The following SPIN4 variants were observed in gnomAD, a reference collection of about 807,000 sequenced individuals.
The protein encoded by SPIN4 is spindlin family member 4, also known as spindlin-4.
A neutral mutation model predicts 10.4 loss-of-function variants in SPIN4; 4 were observed. That is an observed-to-expected ratio of 0.38 (90% CI 0.19 to 0.88). The LOEUF (loss-of-function observed/expected upper bound fraction) is 0.88. Ranked by LOEUF, SPIN4 falls within the 40% of genes least tolerant of loss-of-function variation. The probability of loss-of-function intolerance (pLI) is 0.40; values close to 1 mark genes in which losing one functional copy is unlikely to be tolerated. For missense variants in SPIN4, 126 were observed against 198.7 expected (o/e 0.63, Z 2.20); for synonymous variants, 71 against 78.4 (o/e 0.91, Z 0.50).
Position 63,348,630 on chromosome X carries a change from G to C in SPIN4, c.*1440C>G, listed in dbSNP as rs1178799037. The C allele has an allele frequency of 9.1e-6, 1 of 110,044 alleles. No individual in the cohort carries two copies. Among genetic ancestry groups the C allele is most frequent in the Admixed American group, 9.6e-5 (1 of 10,380 alleles). The allele number at this position is 110,044 out of a possible 1,213,427, so 9.1% of individuals were successfully genotyped here. A position where few individuals can be genotyped will look rare whatever the true frequency, so the allele number is the denominator to read the frequency against. ...TAAAGAAAAAAAAAACTAATGAAGTGGGACTTGCTTTATCGGATTCTAAAA... is the reference window on the plus strand; with the variant it reads ...TAAAGAAAAAAAAAACTAATGAAGTCGGACTTGCTTTATCGGATTCTAAAA... On this transcript the variant is annotated 3_prime_UTR_variant, in exon 1 of 1. Coordinates refer to ENST00000374884, the MANE Select transcript of SPIN4 (RefSeq NM_001012968.3).
Position 63,347,761 on chromosome X carries a change from T to C in SPIN4, c.*2309A>G, listed in dbSNP as rs1232763071. On this transcript the variant is annotated 3_prime_UTR_variant, in exon 1 of 1. Transcript: ENST00000374884. ...TCATTATTTCACAATGACCAAGTAG[T>C]ATTTGTTCCAGAAATACAAGTTTGG... is the stretch of plus-strand genomic sequence containing the variant. The C allele has an allele frequency of 1.8e-5, 2 of 111,802 alleles. No individual in the cohort carries two copies. The highest frequency in any genetic ancestry group is 6.5e-5 in the African/African-American group (2 of 30,823). 9.2% of individuals were successfully genotyped at this position (111,802 alleles called of 1,213,427 possible).
chrX:63,350,217 C>T lies in SPIN4; in HGVS notation c.603G>A (p.Val201=). The stretch of plus-strand genomic sequence containing the variant: ...CTTTGGCATGCTCCACCTGCTTGCC[C>T]ACGAGACTGTCGACCACCTCTCCAG... ...QEPGEVVDSL[V]GKQVEHAKDD... Residue 201 remains valine (V), a synonymous_variant, in exon 1 of 1, where the codon GTG becomes GTA. Transcript: ENST00000374884. 8.3e-7 allele frequency: 1 copy of T among 1,211,602 alleles called. No homozygotes were observed. Among genetic ancestry groups the T allele is most frequent in the Non-Finnish European group, 1.1e-6 (1 of 895,399 alleles).
In SPIN4 at chrX:63,349,824, AC is replaced by A. The variant is rs1200173691; in HGVS notation, c.*245del. The A allele has an allele frequency of 3.0e-6, 1 of 338,734 alleles. No individual in the cohort carries two copies. Among genetic ancestry groups the A allele is most frequent in the African/African-American group, 2.6e-5 (1 of 38,277 alleles). The allele number at this position is 338,734 out of a possible 1,213,427, so 27.9% of individuals were successfully genotyped here. ...TTGCATTGTTCCAATGGTTGCAAAC[AC>A]TTTTTAATTTTCTATTAGCACCCAA... On this transcript the variant is annotated 3_prime_UTR_variant, in exon 1 of 1. Coordinates refer to ENST00000374884, the MANE Select transcript of SPIN4 (RefSeq NM_001012968.3).
In SPIN4 at chrX:63,350,199, A is replaced by C; in HGVS notation, c.621T>G (p.His207Gln). Residue 207 changes from histidine to glutamine, a missense_variant, in exon 1 of 1, where the codon CAT becomes CAG. Physicochemically the swap from His to Gln is conservative, Grantham distance 24. Coordinates refer to ENST00000374884, the MANE Select transcript of SPIN4 (RefSeq NM_001012968.3). Reference protein sequence around the residue: ...VDSLVGKQVEHAKDDGSKRTG... With the variant: ...VDSLVGKQVEQAKDDGSKRTG... ...TTCTCTTGGACCCGTCATCTTTGGC[A>C]TGCTCCACCTGCTTGCCCACGAGAC... 8.3e-7 allele frequency: 1 copy of C among 1,211,801 alleles called. No individual in the cohort carries two copies. Among genetic ancestry groups the C allele is most frequent in the Non-Finnish European group, 1.1e-6 (1 of 895,515 alleles).
chrX:63,348,636 T>C lies in SPIN4; in HGVS notation c.*1434A>G, dbSNP rs1242195588. ...AAAAAAAAACTAATGAAGTGGGACT[T>C]GCTTTATCGGATTCTAAAACTTACG... On this transcript the variant is annotated 3_prime_UTR_variant, in exon 1 of 1. Transcript: ENST00000374884. The C allele has an allele frequency of 9.1e-6, 1 of 110,433 alleles. No homozygotes were observed. Among genetic ancestry groups the C allele is most frequent in the Admixed American group, 9.6e-5 (1 of 10,425 alleles). The allele number at this position is 110,433 out of a possible 1,213,427, so 9.1% of individuals were successfully genotyped here.
In SPIN4 at chrX:63,350,130, G is replaced by C; in HGVS notation, c.690C>G (p.Tyr230Ter). The change falls in exon 1 of 1, where the codon TAC (tyrosine) becomes TAG (stop). Residue 230 changes from tyrosine to a stop codon, truncating the protein, a stop_gained. Coordinates refer to ENST00000374884, the MANE Select transcript of SPIN4 (RefSeq NM_001012968.3). LOFTEE classifies it high-confidence loss of function. ...GAATATCATCATCAAACTTAATGAAGTAAACAGATGGCTTCGCCACCACTT... is the reference window on the plus strand; with the variant it reads ...GAATATCATCATCAAACTTAATGAACTAAACAGATGGCTTCGCCACCACTT... Reference protein sequence around the residue: ...IHQVVAKPSVYFIKFDDDIHI... With the variant: ...IHQVVAKPSV 8.3e-7 allele frequency: 1 copy of C among 1,210,921 alleles called. No homozygotes were observed. Among genetic ancestry groups the C allele is most frequent in the East Asian group, 3.0e-5 (1 of 33,807 alleles).
Position 63,349,875 on chromosome X carries a change from G to A in SPIN4, c.*195C>T, listed in dbSNP as rs1314531036. 13 of 419,456 alleles carry A rather than the reference G, an allele frequency of 3.1e-5. No homozygotes were observed. The highest frequency in any genetic ancestry group is 3.0e-4 in the African/African-American group (12 of 40,213). 34.6% of individuals were successfully genotyped at this position (419,456 alleles called of 1,213,427 possible). ...ATTTAACTGTTAAGTTACAGAACAAGGCAATATCAAAAGTAGCAAAGTACA... is the reference window on the plus strand; with the variant it reads ...ATTTAACTGTTAAGTTACAGAACAAAGCAATATCAAAAGTAGCAAAGTACA... On this transcript the variant is annotated 3_prime_UTR_variant, in exon 1 of 1. Coordinates refer to ENST00000374884, the MANE Select transcript of SPIN4 (RefSeq NM_001012968.3).
Position 63,349,960 on chromosome X carries a change from C to A in SPIN4, c.*110G>T. The A allele has an allele frequency of 1.2e-6, 1 of 842,265 alleles. No individual in the cohort carries two copies. Among genetic ancestry groups the A allele is most frequent in the Non-Finnish European group, 1.6e-6 (1 of 620,059 alleles). The allele number at this position is 842,265 out of a possible 1,213,427, so 69.4% of individuals were successfully genotyped here. A position where few individuals can be genotyped will look rare whatever the true frequency, so the allele number is the denominator to read the frequency against. On this transcript the variant is annotated 3_prime_UTR_variant, in exon 1 of 1. Coordinates refer to ENST00000374884, the MANE Select transcript of SPIN4 (RefSeq NM_001012968.3). ...ATTTGTTGGCACAATAAAATTTATC[C>A]ACTTTCCTGAATTTCTGACACCTAA...
At position 63,349,057 on chromosome X, in the gene SPIN4, T is replaced by C. The variant is rs1167067257; in HGVS notation, c.*1013A>G. The C allele has an allele frequency of 1.8e-5, 2 of 111,854 alleles. No homozygotes were observed. Among genetic ancestry groups the C allele is most frequent in the Admixed American group, 9.5e-5 (1 of 10,537 alleles). 9.2% of individuals were successfully genotyped at this position (111,854 alleles called of 1,213,427 possible). A position where few individuals can be genotyped will look rare whatever the true frequency, so the allele number is the denominator to read the frequency against. ...TTAATATGCACTATGTAGTAAGAAT[T>C]TCTACAAATTTATAATGAAAAACAT... On this transcript the variant is annotated 3_prime_UTR_variant, in exon 1 of 1. Coordinates refer to ENST00000374884, the MANE Select transcript of SPIN4 (RefSeq NM_001012968.3).
Position 63,348,634 on chromosome X carries a change from C to A in SPIN4, c.*1436G>T, listed in dbSNP as rs1932962160. ...GAAAAAAAAAACTAATGAAGTGGGA[C>A]TTGCTTTATCGGATTCTAAAACTTA... On this transcript the variant is annotated 3_prime_UTR_variant, in exon 1 of 1. Transcript: ENST00000374884. The A allele has an allele frequency of 9.1e-6, 1 of 109,607 alleles. No homozygotes were observed. Among genetic ancestry groups the A allele is most frequent in the Non-Finnish European group, 1.9e-5 (1 of 52,541 alleles). The allele number at this position is 109,607 out of a possible 1,213,427, so 9.0% of individuals were successfully genotyped here.
In SPIN4 at chrX:63,348,138, A is replaced by G. The variant is rs782742508; in HGVS notation, c.*1932T>C. On this transcript the variant is annotated 3_prime_UTR_variant, in exon 1 of 1. Transcript: ENST00000374884. Reference sequence around the variant, plus strand: ...AGTAATCAGTATAAACATTAAGAGGAAATAAAATGATCTATATGTTCAGGT... The same window carrying G: ...AGTAATCAGTATAAACATTAAGAGGGAATAAAATGATCTATATGTTCAGGT... The G allele has an allele frequency of 9.0e-6, 1 of 111,603 alleles. No individual in the cohort carries two copies. Among genetic ancestry groups the G allele is most frequent in the African/African-American group, 3.2e-5 (1 of 30,861 alleles). 9.2% of individuals were successfully genotyped at this position (111,603 alleles called of 1,213,427 possible). A position where few individuals can be genotyped will look rare whatever the true frequency, so the allele number is the denominator to read the frequency against.
In SPIN4 at chrX:63,347,999, G is replaced by A. The variant is rs1932953137; in HGVS notation, c.*2071C>T. 1 of 110,922 alleles carries A rather than the reference G, an allele frequency of 9.0e-6. No homozygotes were observed. The highest frequency in any genetic ancestry group is 9.5e-5 in the Admixed American group (1 of 10,473). The allele number at this position is 110,922 out of a possible 1,213,427, so 9.1% of individuals were successfully genotyped here. On this transcript the variant is annotated 3_prime_UTR_variant, in exon 1 of 1. Transcript: ENST00000374884. Reference sequence around the variant, plus strand: ...CAAAAGTAAATGTCATACTAATAGGGAATACTATTCCCTATTAATATTTTG... The same window carrying A: ...CAAAAGTAAATGTCATACTAATAGGAAATACTATTCCCTATTAATATTTTG...
rs1556016442 is a variant in SPIN4, at chrX:63,349,839, A to G, written c.*231T>C. 2 of 354,453 alleles carry G rather than the reference A, an allele frequency of 5.6e-6. No homozygotes were observed. Among genetic ancestry groups the G allele is most frequent in the South Asian group, 7.3e-5 (1 of 13,642 alleles). The allele number at this position is 354,453 out of a possible 1,213,427, so 29.2% of individuals were successfully genotyped here. ...GGTTGCAAACACTTTTTAATTTTCTATTAGCACCCAATTTAACTGTTAAGT... is the reference window on the plus strand; with the variant it reads ...GGTTGCAAACACTTTTTAATTTTCTGTTAGCACCCAATTTAACTGTTAAGT... On this transcript the variant is annotated 3_prime_UTR_variant, in exon 1 of 1. Coordinates refer to ENST00000374884, the MANE Select transcript of SPIN4 (RefSeq NM_001012968.3).
rs1374619105 is a variant in SPIN4 at position 63,348,587 on chromosome X, T to A, written c.*1483A>T. The A allele has an allele frequency of 9.1e-6, 1 of 110,398 alleles. No homozygotes were observed. Among genetic ancestry groups the A allele is most frequent in the East Asian group, 2.8e-4 (1 of 3,538 alleles). 9.1% of individuals were successfully genotyped at this position (110,398 alleles called of 1,213,427 possible). ...TCATTTTTTCACATGAAAAAATGAA[T>A]GTCTAGGACATATTATATAAAGAAA... On this transcript the variant is annotated 3_prime_UTR_variant, in exon 1 of 1. Coordinates refer to ENST00000374884, the MANE Select transcript of SPIN4 (RefSeq NM_001012968.3).
At position 63,347,505 on chromosome X, in the gene SPIN4, G is replaced by C. The variant is rs1383022841; in HGVS notation, c.*2565C>G. The C allele has an allele frequency of 8.9e-6, 1 of 111,836 alleles. No homozygotes were observed. Among genetic ancestry groups the C allele is most frequent in the African/African-American group, 3.2e-5 (1 of 30,827 alleles). 9.2% of individuals were successfully genotyped at this position (111,836 alleles called of 1,213,427 possible). A position where few individuals can be genotyped will look rare whatever the true frequency, so the allele number is the denominator to read the frequency against. ...TCAGGATTAGATTGTTTTACACTTT[G>C]TCCTAGCTAACTTTTAACAAACAAA... is the stretch of plus-strand genomic sequence containing the variant. On this transcript the variant is annotated 3_prime_UTR_variant, in exon 1 of 1. Coordinates refer to ENST00000374884, the MANE Select transcript of SPIN4 (RefSeq NM_001012968.3).
chrX:63,349,793 C>T lies in SPIN4; in HGVS notation c.*277G>A. ...GTTTACACCATTAATTTTTCTTAAT[C>T]TATTTTTGCATTGTTCCAATGGTTG... On this transcript the variant is annotated 3_prime_UTR_variant, in exon 1 of 1. Transcript: ENST00000374884. The T allele has an allele frequency of 7.6e-6, 2 of 262,509 alleles. No individual in the cohort carries two copies. Among genetic ancestry groups the T allele is most frequent in the Non-Finnish European group, 1.3e-5 (2 of 149,406 alleles). The allele number at this position is 262,509 out of a possible 1,213,427, so 21.6% of individuals were successfully genotyped here.
Position 63,350,036 on chromosome X carries a change from C to G in SPIN4, c.*34G>C. ...AGAACACAAAATAATTCACATCTAA[C>G]AGATCCACAACTTCTCTAAAGAGCA... is the stretch of plus-strand genomic sequence containing the variant. On this transcript the variant is annotated 3_prime_UTR_variant, in exon 1 of 1. Coordinates refer to ENST00000374884, the MANE Select transcript of SPIN4 (RefSeq NM_001012968.3). The G allele has an allele frequency of 8.6e-7, 1 of 1,162,962 alleles. No individual in the cohort carries two copies. The highest frequency in any genetic ancestry group is 3.0e-5 in the East Asian group (1 of 33,313).
At position 63,350,923 on chromosome X, in the gene SPIN4, A is replaced by C; in HGVS notation, c.-104T>G. On this transcript the variant is annotated 5_prime_UTR_variant, in exon 1 of 1. Transcript: ENST00000374884. ...TGATATATATATTTTTTGCGATCTC[A>C]AAGACCTGGTCTGTGCTCCCTTCTC... The C allele has an allele frequency of 2.9e-4, 287 of 980,630 alleles. No individual in the cohort carries two copies. The highest frequency in any genetic ancestry group is 3.7e-4 in the Non-Finnish European group (268 of 728,825). 80.8% of individuals were successfully genotyped at this position (980,630 alleles called of 1,213,427 possible).
Sources: allele counts gnomAD v4.1 joint callset, GRCh38; gene constraint gnomAD v4.1.1; transcripts MANE v1.5; gene names NCBI Gene and HGNC (gene_info 2026-07-23, HGNC 2026-07-21).